Variants in KCNB2 observed in about 807,000 individuals in gnomAD.
KCNB2 encodes potassium voltage-gated channel subfamily B member 2, also known as delayed rectifier potassium channel protein.
In KCNB2, 15 loss-of-function variants were observed where a neutral mutation model predicts 61.5. The observed-to-expected ratio is 0.24, with a 90% CI of 0.16 to 0.38. The LOEUF (loss-of-function observed/expected upper bound fraction) is 0.38, where lower values mean the gene tolerates loss of function less well. Ranked by LOEUF, KCNB2 falls within the 10% of genes least tolerant of loss-of-function variation. The pLI is 1.00. For synonymous variants in KCNB2, 457 were observed against 446.0 expected, an observed-to-expected ratio of 1.02 and a Z score of -0.31; for missense variants, 828 against 1,125.2, an observed-to-expected ratio of 0.74 and a Z score of 3.78.
chr8:72,741,900 A>T (rs1807966825), intron 2 of KCNB2, among the ~76,000 whole-genome samples: 1 of 152,236 alleles, frequency 6.6e-6, no homozygotes, highest in African/African-American at 2.4e-5. Context: ...TGGGAATTTA[A>T]ACTAGTACAA....
chr8:72,725,998 A>G (rs904238054), intron 2 of KCNB2, among the ~76,000 whole-genome samples: 1 of 152,186 alleles, frequency 6.6e-6, no homozygotes, highest in African/African-American at 2.4e-5. Flanking sequence ...ACTTTATTAT[A>G]CTACTGCAAA....
intron 2 of KCNB2, among the ~76,000 whole-genome samples, chr8:72,812,363 G>T (rs893716240): frequency 1.3e-5 from 2 of 151,782 alleles, no homozygotes; most frequent in African/African-American, 2.4e-5. Context: ...CTTCTTTCCA[G>T]TTTTTACACT....
chr8:72,902,691 G>A (rs552103231), intron 2 of KCNB2, among the ~76,000 whole-genome samples: 2 of 152,166 alleles, frequency 1.3e-5, no homozygotes, highest in Admixed American at 1.3e-4. Flanking sequence ...TCCAATTGCT[G>A]TAGGAGGGAC....
At chr8:72,803,440 ACAT>A (rs1249581181) in intron 2 of KCNB2, among the ~76,000 whole-genome samples, 4 of 152,210 alleles carry the variant, frequency 2.6e-5, no homozygotes, top group African/African-American at 9.7e-5. Context: ...ACTAGGAACT[ACAT>A]CACCAAAGTA....
chr8:72,744,703 C>G (rs1044739799), intron 2 of KCNB2, among the ~76,000 whole-genome samples: 2 of 152,012 alleles, frequency 1.3e-5, no homozygotes, highest in Admixed American at 1.3e-4. Flanking sequence ...GGAACTGCCA[C>G]GTGAATTGCT....
intron 2 of KCNB2, among the ~76,000 whole-genome samples, chr8:72,588,218 C>CTTTTTTT (rs34803136): frequency 1.5e-5 from 2 of 132,844 alleles, no homozygotes; most frequent in Non-Finnish European, 1.6e-5. Context: ...GGTTTCTTTT[C>CTTTTTTT]TTTTTTTTTT....
At chr8:72,603,172 G>A (rs72668143) in intron 2 of KCNB2, among the ~76,000 whole-genome samples, 5,948 of 152,202 alleles carry the variant, frequency 0.039, 172 homozygotes, top group Middle Eastern at 0.11. Context: ...GTGTGATTGT[G>A]TCACTTCTCA....
Position 72,936,006 on chromosome 8 carries a change from G to A in KCNB2, c.651G>A (p.Glu217=). Residue 217 remains glutamate, a synonymous_variant, in exon 3 of 3, where the codon GAG becomes GAA. Coordinates refer to ENST00000523207, the MANE Select transcript of KCNB2 (RefSeq NM_004770.3). The surrounding 1 kb of genome is among the most constrained non-coding windows in gnomAD (Gnocchi z 5.6). ...CTTTGTCTCTCAATACGCTGCCGGA[G>A]CTGCAGGAAACGGACGAATTTGGAC... ...TIALSLNTLP[E]LQETDEFGQL... The A allele has an allele frequency of 6.2e-7, 1 of 1,614,072 alleles. No individual in the cohort carries two copies. Among genetic ancestry groups the A allele is most frequent in the East Asian group, 2.2e-5 (1 of 44,890 alleles).
At chr8:72,914,906 C>CTT (rs369558325) in intron 2 of KCNB2, among the ~76,000 whole-genome samples, 5 of 136,260 alleles carry the variant, frequency 3.7e-5, no homozygotes, top group East Asian at 2.1e-4. Context: ...GACTAATCTT[C>CTT]TTTTTTTTTT....
chr8:72,810,536 C>T (rs1809290732), intron 2 of KCNB2, among the ~76,000 whole-genome samples: 1 of 152,338 alleles, frequency 6.6e-6, no homozygotes, highest in East Asian at 1.9e-4. Flanking sequence ...TACCATCCAT[C>T]AGATATGGCA....
chr8:72,561,460 CT>C lies in KCNB2; in HGVS notation c.-93-6181del, dbSNP rs959460873. Among the ~76,000 whole-genome samples the C allele has an allele frequency of 3.3e-5, 5 of 150,852 alleles. 1 individual carries two copies. Among genetic ancestry groups the C allele is most frequent in the Admixed American group, 3.3e-4 (5 of 15,092 alleles). On this transcript the variant is annotated intron_variant, in intron 1 of 2. Coordinates refer to ENST00000523207, the MANE Select transcript of KCNB2 (RefSeq NM_004770.3). ...TTAAACTAAGGAGTATATAGTTGTG[CT>C]AAATTTGAGGAACAAAATGATATTA...
At chr8:72,697,630 C>T (rs1472289281) in intron 2 of KCNB2, among the ~76,000 whole-genome samples, 1 of 151,766 alleles carries the variant, frequency 6.6e-6, no homozygotes, top group Non-Finnish European at 1.5e-5. Context: ...GCCTGGGCAA[C>T]AAAGTGAGGC....
chr8:72,932,164 G>C (rs1025882966), intron 2 of KCNB2, among the ~76,000 whole-genome samples: 3 of 152,166 alleles, frequency 2.0e-5, no homozygotes, highest in Admixed American at 1.3e-4. Context: ...AGAGGAACTG[G>C]GAAAGGAGAG....
chr8:72,537,496 T>C lies in KCNB2; in HGVS notation c.-483T>C, dbSNP rs2128976113. 6.6e-6 allele frequency: 1 copy of C among 152,412 alleles called. No individual in the cohort carries two copies. Among genetic ancestry groups the C allele is most frequent in the Middle Eastern group, 3.4e-3 (1 of 292 alleles). 9.4% of individuals were successfully genotyped at this position (152,412 alleles called of 1,614,324 possible). A position where few individuals can be genotyped will look rare whatever the true frequency, so the allele number is the denominator to read the frequency against. On this transcript the variant is annotated 5_prime_UTR_variant, in exon 1 of 3. Coordinates refer to ENST00000523207, the MANE Select transcript of KCNB2 (RefSeq NM_004770.3). ...GGCGAGCTCAGCCCCGCTCGATTTT[T>C]CCTCTTCTGTTCCAGCCCTCTCTTG...
At chr8:72,676,371 C>T (rs1269973057) in intron 2 of KCNB2, among the ~76,000 whole-genome samples, 1 of 151,964 alleles carries the variant, frequency 6.6e-6, no homozygotes, top group Non-Finnish European at 1.5e-5. Flanking sequence ...TATTTCTTCT[C>T]TCCCAAAAGC....
chr8:72,790,044 A>G (rs1047494241), intron 2 of KCNB2, among the ~76,000 whole-genome samples: 2 of 152,168 alleles, frequency 1.3e-5, no homozygotes, highest in African/African-American at 4.8e-5. Context: ...TAGAGGGGAA[A>G]TAGGAGAAGT....
chr8:72,935,647 C>T (rs1333757526), intron 2 of KCNB2, among the ~76,000 whole-genome samples: 1 of 152,156 alleles, frequency 6.6e-6, no homozygotes, highest in Non-Finnish European at 1.5e-5. Flanking sequence ...TTACTCCCCC[C>T]AAAAACTATT....
intron 2 of KCNB2, among the ~76,000 whole-genome samples, chr8:72,770,678 G>A (rs1406371053): frequency 6.6e-6 from 1 of 152,088 alleles, no homozygotes; most frequent in Non-Finnish European, 1.5e-5. Flanking sequence ...AAGCTGTTGT[G>A]GGGATTAAAT....
chr8:72,762,112 G>C (rs1427650555), intron 2 of KCNB2, among the ~76,000 whole-genome samples: 1 of 152,194 alleles, frequency 6.6e-6, no homozygotes, highest in Non-Finnish European at 1.5e-5. Flanking sequence ...AATCTGAGTA[G>C]CGCCACCCTC....
Sources: allele counts gnomAD v4.1 joint callset (sites outside exome capture counted in the v4.1 genomes callset), GRCh38; gene constraint gnomAD v4.1.1; non-coding constraint Gnocchi (gnomAD v3.1); transcripts MANE v1.5; gene names NCBI Gene and HGNC (gene_info 2026-07-23, HGNC 2026-07-21).